DCTN1: variants seen among roughly 807,000 people sequenced by gnomAD.
DCTN1 encodes the protein 150 kDa dynein-associated polypeptide.
Under a neutral mutation model 161.2 loss-of-function variants are expected in DCTN1, and 61 were observed. The observed-to-expected ratio is 0.38, with a 90% CI of 0.31 to 0.47. The LOEUF (loss-of-function observed/expected upper bound fraction) is 0.47, where lower values mean the gene tolerates loss of function less well. Among genes scored for constraint, DCTN1 ranks in the 20% least tolerant of loss-of-function variants. DCTN1 has a pLI of 0.99. For missense variants in DCTN1, 1,404 were observed against 1,623.7 expected, an observed-to-expected ratio of 0.86 and a Z score of 2.33; for synonymous variants, 653 against 632.4, an observed-to-expected ratio of 1.03 and a Z score of -0.49.
chr2:74,374,508 T>C, intron 5 of DCTN1, 168 bp from the exon 6 acceptor site: 1 of 1,466,434 alleles, frequency 6.8e-7, no homozygotes. Context: ...ATCCCAACAA[T>C]GCAGTCTCAG....
Position 74,369,371 on chromosome 2 carries a change from C to T in DCTN1, c.1513G>A (p.Ala505Thr). Residue 505 changes from alanine (A) to threonine (T), a missense_variant, in exon 14 of 32, where the codon GCA becomes ACA. Ala to Thr is a moderately conservative substitution (Grantham distance 58, BLOSUM62 0). Around this residue, in one of 9 missense-constraint regions of DCTN1, gnomAD observed 278 missense variants for 363.8 expected, o/e 0.76. Transcript: ENST00000628224. This position sits in a 1 kb window ranked among gnomAD's most constrained non-coding sequence, Gnocchi z 4.9. Reference sequence around the variant, plus strand: ...TAGTCTGCAACCGTCTCCTGGGCTGCCTCCACACGCTTCTGGGCCTCACGA... The same window carrying T: ...TAGTCTGCAACCGTCTCCTGGGCTGTCTCCACACGCTTCTGGGCCTCACGA... ...RVREAQKRVE[A>T]AQETVADYQQ... 1 of 1,614,190 alleles carries T rather than the reference C, an allele frequency of 6.2e-7. No homozygotes were observed. Among genetic ancestry groups the T allele is most frequent in the Non-Finnish European group, 8.5e-7 (1 of 1,180,040 alleles).
intron 1 of DCTN1, among the ~76,000 whole-genome samples, chr2:74,388,744 G>A (rs888697070): frequency 2.0e-5 from 3 of 152,082 alleles, no homozygotes; most frequent in South Asian, 2.1e-4. Context: ...CTAAGCACTC[G>A]GCGTAGGGCT....
chr2:74,379,249 T>C (rs1373896842), intron 1 of DCTN1, among the ~76,000 whole-genome samples: 1 of 152,038 alleles, frequency 6.6e-6, no homozygotes, highest in Non-Finnish European at 1.5e-5. Context: ...ACCAGGGGCC[T>C]TGCAGCAAAC....
chr2:74,362,172 A>G, intron 30 of DCTN1, 31 bp from the exon 31 acceptor site: 1 of 1,599,636 alleles, frequency 6.3e-7, no homozygotes, highest in African/African-American at 1.3e-5. Flanking sequence ...ACAAGGGTTC[A>G]TTTATGGGAC....
At chr2:74,367,577 A>G in intron 18 of DCTN1, 119 bp downstream of exon 18, 1 of 1,533,588 alleles carries the variant, frequency 6.5e-7, no homozygotes, top group Non-Finnish European at 9.0e-7. Flanking sequence ...TTCATCTAAG[A>G]GCAAACCAGG....
chr2:74,363,170 T>A lies in DCTN1; in HGVS notation c.3353A>T (p.Gln1118Leu), dbSNP rs1357089479. 28 of 1,614,020 alleles carry A rather than the reference T, an allele frequency of 1.7e-5. No individual in the cohort carries two copies. Among genetic ancestry groups the A allele is most frequent in the Non-Finnish European group, 2.2e-5 (26 of 1,180,020 alleles). ...QHENSILKGA[Q>L]MKASLASLPP... ...CAGGGATGCCAAGGATGCCTTCATCTGGGCTCCCTGTGGATGAAAAAAGAA... is the reference window on the plus strand; with the variant it reads ...CAGGGATGCCAAGGATGCCTTCATCAGGGCTCCCTGTGGATGAAAAAAGAA... The change falls in exon 29 of 32, where the codon CAG (glutamine) becomes CTG (leucine). Residue 1118 changes from glutamine to leucine, a missense_variant. By Grantham distance (113) the Gln-to-Leu change is moderately radical. Coordinates refer to ENST00000628224, the MANE Select transcript of DCTN1 (RefSeq NM_004082.5).
chr2:74,364,084 G>C (rs981923972), intron 26 of DCTN1: 2 of 196,224 alleles, frequency 1.0e-5, no homozygotes, highest in African/African-American at 4.6e-5. Flanking sequence ...TGAGGCAAAA[G>C]ACCTTCTTTT....
chr2:74,371,665 C>T lies in DCTN1; in HGVS notation c.517G>A (p.Ala173Thr). 1 of 1,601,328 alleles carries T rather than the reference C, an allele frequency of 6.2e-7. No individual in the cohort carries two copies. Among genetic ancestry groups the T allele is most frequent in the Non-Finnish European group, 8.5e-7 (1 of 1,175,200 alleles). Residue 173 changes from alanine (A) to threonine (T), a missense_variant, in exon 8 of 32, where the codon GCG becomes ACG. Transcript: ENST00000628224. ...CTGCTGCTCAGCTCACCTGCTGACG[C>T]TGAGCCAGAGGGGCCCAGGGAGCTA... ...ASSSLGPSGS[A>T]SAGELSSSEP...
upstream of DCTN1, among the ~76,000 whole-genome samples, chr2:74,382,346 T>A (rs1675546676): frequency 6.6e-6 from 1 of 152,246 alleles, no homozygotes; most frequent in Non-Finnish European, 1.5e-5. Context: ...ATGCCTGTAA[T>A]CCCAACACTT....
intron 18 of DCTN1, 84 bp downstream of exon 18, chr2:74,367,612 A>C: frequency 6.3e-7 from 1 of 1,598,128 alleles, no homozygotes; most frequent in East Asian, 2.2e-5. Flanking sequence ...CATGGGACAT[A>C]CAACCTTGAA....
At position 74,366,025 on chromosome 2, in the gene DCTN1, A is replaced by T; in HGVS notation, c.2761-7T>A. On this transcript the variant is annotated splice_region_variant and splice_polypyrimidine_tract_variant and intron_variant, in intron 23 of 31. Coordinates refer to ENST00000628224, the MANE Select transcript of DCTN1 (RefSeq NM_004082.5). ...GCAGTTCAACCGGTGGAGGCTAAGG[A>T]ATGGTCGGTAGGGGGTGAGAAAGTG... 6.2e-7 allele frequency: 1 copy of T among 1,614,222 alleles called. No individual in the cohort carries two copies. The highest frequency in any genetic ancestry group is 8.5e-7 in the Non-Finnish European group (1 of 1,180,044).
intron 30 of DCTN1, 54 bp from the exon 31 acceptor site, chr2:74,362,195 G>A: frequency 2.6e-6 from 4 of 1,532,004 alleles, no homozygotes; most frequent in Non-Finnish European, 3.6e-6. Context: ...CCACAGGCTA[G>A]CACAAGACCA....
In DCTN1 at chr2:74,363,304, C is replaced by G. The variant is rs767781038; in HGVS notation, c.3335G>C (p.Ser1112Thr). Residue 1112 changes from serine to threonine, a missense_variant, in exon 28 of 32, where the codon AGC becomes ACC. Physicochemically the swap from Ser to Thr is moderately conservative, Grantham distance 58. Transcript: ENST00000628224. Reference sequence around the variant, plus strand: ...CCGTGGCTCCCTCACCTTGAGGATGCTGTTCTCATGCTGGAGCTGGGAGAT... The same window carrying G: ...CCGTGGCTCCCTCACCTTGAGGATGGTGTTCTCATGCTGGAGCTGGGAGAT... The part of the protein sequence containing the change: ...LHISQLQHEN[S>T]ILKGAQMKAS... The G allele has an allele frequency of 1.2e-6, 2 of 1,614,026 alleles. No individual in the cohort carries two copies. Among genetic ancestry groups the G allele is most frequent in the African/African-American group, 1.3e-5 (1 of 75,046 alleles).
intron 1 of DCTN1, among the ~76,000 whole-genome samples, chr2:74,389,142 C>T (rs934644826): frequency 1.3e-5 from 2 of 152,144 alleles, no homozygotes; most frequent in Non-Finnish European, 2.9e-5. Flanking sequence ...GGCCCATGCT[C>T]TGCTGTAGTG....
At chr2:74,381,562 G>A (rs958946272), upstream of DCTN1, among the ~76,000 whole-genome samples, 1 of 152,150 alleles carries the variant, frequency 6.6e-6, no homozygotes, top group Non-Finnish European at 1.5e-5. Context: ...ACACAGGTGG[G>A]CAGGGCCAGG....
chr2:74,379,969 A>G, intron 1 of DCTN1, 36 bp downstream of exon 1: 1 of 1,610,060 alleles, frequency 6.2e-7, no homozygotes, highest in Non-Finnish European at 8.5e-7. Context: ...CTTCCCCAGC[A>G]GCCCTCCAGG....
intron 1 of DCTN1, among the ~76,000 whole-genome samples, chr2:74,378,722 CTG>C (rs1489786328): frequency 6.6e-6 from 1 of 152,188 alleles, no homozygotes; most frequent in East Asian, 1.9e-4. Flanking sequence ...CTTGTCTCCT[CTG>C]TGTTTCAAAT....
rs780176785 is a variant in DCTN1, at chr2:74,370,653, A to G, written c.1016T>C (p.Leu339Ser). 3.1e-6 allele frequency: 5 copies of G among 1,614,062 alleles called. No individual in the cohort carries two copies. The highest frequency in any genetic ancestry group is 3.4e-6 in the Non-Finnish European group (4 of 1,180,012). ...KERVDELTTD[L>S]EILKAEIEEK... Reference sequence around the variant, plus strand: ...TTCAATCTCAGCCTTGAGGATCTCTAAGTCAGTAGTGAGCTCGTCCACCCG... The same window carrying G: ...TTCAATCTCAGCCTTGAGGATCTCTGAGTCAGTAGTGAGCTCGTCCACCCG... The change falls in exon 10 of 32, where the codon TTA becomes TCA. Residue 339 changes from leucine to serine, a missense_variant. By Grantham distance (145) the Leu-to-Ser change is moderately radical. Around this residue, in one of 9 missense-constraint regions of DCTN1, gnomAD observed 278 missense variants for 363.8 expected, o/e 0.76. Transcript: ENST00000628224. This position sits in a 1 kb window ranked among gnomAD's most constrained non-coding sequence, Gnocchi z 4.4.
At position 74,372,504 on chromosome 2, in the gene DCTN1, T is replaced by C. The variant is rs533767323; in HGVS notation, c.453+424A>G. Among the ~76,000 whole-genome samples, 8 of 152,322 alleles carry C rather than the reference T, an allele frequency of 5.3e-5. 1 individual carries two copies. The highest frequency in any genetic ancestry group is 1.9e-4 in the African/African-American group (8 of 41,570). ...AGTGCTGAGCCCCAAGGTCTCCCAG[T>C]GGGCTGACACTCAGAGATCATGTGC... On this transcript the variant is annotated intron_variant, in intron 7 of 31. Coordinates refer to ENST00000628224, the MANE Select transcript of DCTN1 (RefSeq NM_004082.5).
Sources: allele counts gnomAD v4.1 joint callset (sites outside exome capture counted in the v4.1 genomes callset), GRCh38; gene constraint gnomAD v4.1.1; regional missense constraint gnomAD v4.1.1; non-coding constraint Gnocchi (gnomAD v3.1); transcripts MANE v1.5; gene names NCBI Gene and HGNC (gene_info 2026-07-23, HGNC 2026-07-21).